The following FA2H variants were observed in gnomAD, a reference collection of about 807,000 sequenced individuals.
FA2H encodes the protein fatty acid 2-hydroxylase.
FA2H carries 22 observed loss-of-function variants against 44.9 expected under a neutral mutation model. That is an observed-to-expected ratio of 0.49 (90% confidence interval 0.35 to 0.70). The LOEUF (loss-of-function observed/expected upper bound fraction) is 0.70, where lower values mean the gene tolerates loss of function less well. FA2H is among the 30% of genes least tolerant of loss of function. The pLI is 0.01. For missense variants in FA2H, 501 were observed against 504.9 expected, an observed-to-expected ratio of 0.99 and a Z score of 0.07; for synonymous variants, 243 against 213.2, an observed-to-expected ratio of 1.14 and a Z score of -1.22.
intron 1 of FA2H, among the ~76,000 whole-genome samples, chr16:74,746,615 C>T (rs561526879): frequency 1.2e-4 from 19 of 152,104 alleles, no homozygotes; most frequent in Admixed American, 5.2e-4. Context: ...TGATGTGGGC[C>T]GAACCAACAC....
chr16:74,760,934 A>C (rs1489643973), intron 1 of FA2H, among the ~76,000 whole-genome samples: 1 of 152,100 alleles, frequency 6.6e-6, no homozygotes, highest in African/African-American at 2.4e-5. Flanking sequence ...ACCCACTTTA[A>C]GAGTTCAAGT....
chr16:74,748,349 C>G (rs1049130369), intron 1 of FA2H, among the ~76,000 whole-genome samples: 10 of 152,230 alleles, frequency 6.6e-5, no homozygotes, highest in Non-Finnish European at 7.3e-5. Flanking sequence ...CCACAAGCAC[C>G]TTCACCGAGG....
intron 6 of FA2H, among the ~76,000 whole-genome samples, chr16:74,715,993 T>G (rs376701150): frequency 6.6e-6 from 1 of 152,064 alleles, no homozygotes. Context: ...TTTTTGTATT[T>G]CTAGTGGAGA....
At chr16:74,725,676 A>G (rs565761505) in intron 4 of FA2H, among the ~76,000 whole-genome samples, 1 of 152,290 alleles carries the variant, frequency 6.6e-6, no homozygotes, top group East Asian at 1.9e-4. Context: ...CGGTCCTGGG[A>G]GAACACGTGG....
intron 1 of FA2H, among the ~76,000 whole-genome samples, chr16:74,741,844 GTGTA>G (rs1962315854): frequency 7.1e-6 from 1 of 140,336 alleles, no homozygotes; most frequent in Non-Finnish European, 1.5e-5. Flanking sequence ...GTGTATGTGT[GTGTA>G]TGTGTGTATG....
intron 6 of FA2H, among the ~76,000 whole-genome samples, chr16:74,715,248 C>A (rs1392089230): frequency 1.3e-5 from 2 of 151,986 alleles, no homozygotes; most frequent in Non-Finnish European, 2.9e-5. Flanking sequence ...GTACAAAATA[C>A]ACCTTAGATT....
intron 4 of FA2H, among the ~76,000 whole-genome samples, chr16:74,724,508 T>C (rs914544085): frequency 6.6e-6 from 1 of 152,194 alleles, no homozygotes; most frequent in Non-Finnish European, 1.5e-5. Context: ...CCCTGACTCT[T>C]CTGTATTGAT....
chr16:74,762,943 T>C (rs1021057771), intron 1 of FA2H, among the ~76,000 whole-genome samples: 1 of 152,212 alleles, frequency 6.6e-6, no homozygotes, highest in Non-Finnish European at 1.5e-5. Context: ...GCAGAAGTCA[T>C]TATGGTTGTT....
At chr16:74,771,952 CTT>C (rs58570521) in intron 1 of FA2H, among the ~76,000 whole-genome samples, 416 of 141,718 alleles carry the variant, frequency 2.9e-3, no homozygotes, top group African/African-American at 9.1e-3. Context: ...CCCTGGCTTC[CTT>C]TTTTTTTTTT....
At chr16:74,716,169 A>G (rs752891874) in intron 6 of FA2H, among the ~76,000 whole-genome samples, 178 bp downstream of exon 6, 4 of 152,018 alleles carry the variant, frequency 2.6e-5, no homozygotes, top group Admixed American at 6.6e-5. Context: ...TTTGCCATTT[A>G]TTGATGTCCT....
chr16:74,766,805 T>A (rs1962817513), intron 1 of FA2H, among the ~76,000 whole-genome samples: 2 of 152,056 alleles, frequency 1.3e-5, no homozygotes, highest in Admixed American at 1.3e-4. Flanking sequence ...ACCCCAGACA[T>A]AATACTGAGT....
intron 1 of FA2H, among the ~76,000 whole-genome samples, chr16:74,764,905 G>A (rs1207448599): frequency 1.3e-5 from 2 of 152,044 alleles, no homozygotes; most frequent in Non-Finnish European, 2.9e-5. Flanking sequence ...ATGAGGACTG[G>A]GGGGGTCTTA....
intron 1 of FA2H, among the ~76,000 whole-genome samples, chr16:74,744,795 A>G (rs1270980565): frequency 6.6e-6 from 1 of 152,162 alleles, no homozygotes; most frequent in African/African-American, 2.4e-5. Flanking sequence ...TATGTTGCCC[A>G]GGCTGGTCTC....
chr16:74,725,451 C>T (rs1285073187), intron 4 of FA2H, among the ~76,000 whole-genome samples: 3 of 152,214 alleles, frequency 2.0e-5, no homozygotes, highest in African/African-American at 4.8e-5. Flanking sequence ...TCATCCTAAA[C>T]CCCAGTCTCA....
rs902996821 is a variant in FA2H at position 74,714,073 on chromosome 16, C to T, written c.*117G>A. 2.1e-5 allele frequency: 15 copies of T among 697,836 alleles called. No homozygotes were observed. The highest frequency in any genetic ancestry group is 5.2e-5 in the African/African-American group (3 of 57,260). The allele number at this position is 697,836 out of a possible 1,614,324, so 43.2% of individuals were successfully genotyped here. ...AGCACCTTCCACTAGGCTGCAGGGC[C>T]GGACACAGCCCATCCTGCCTGGCCA... On this transcript the variant is annotated 3_prime_UTR_variant, in exon 7 of 7. Transcript: ENST00000219368.
intron 1 of FA2H, among the ~76,000 whole-genome samples, chr16:74,741,960 A>G (rs1180182848): frequency 1.3e-5 from 2 of 151,348 alleles, no homozygotes; most frequent in Non-Finnish European, 1.5e-5. Flanking sequence ...AATATCCAAT[A>G]TAAATGTCCT....
intron 4 of FA2H, among the ~76,000 whole-genome samples, chr16:74,725,458 C>G (rs1961931754): frequency 6.6e-6 from 1 of 152,212 alleles, no homozygotes; most frequent in East Asian, 1.9e-4. Context: ...AAACCCCAGT[C>G]TCATAGGCTC....
At position 74,713,658 on chromosome 16, in the gene FA2H, T is replaced by TG. The variant is rs1223623610; in HGVS notation, c.*531dup. On this transcript the variant is annotated 3_prime_UTR_variant, in exon 7 of 7. Transcript: ENST00000219368. ...CTGCCCCAGGGTCTGGGGTGGACTG[T>TG]GGGAGGCATCACGCTGTCTCTTCTT... The TG allele has an allele frequency of 6.4e-6, 1 of 155,614 alleles. No homozygotes were observed. Among genetic ancestry groups the TG allele is most frequent in the East Asian group, 1.9e-4 (1 of 5,362 alleles). The allele number at this position is 155,614 out of a possible 1,614,324, so 9.6% of individuals were successfully genotyped here. A position where few individuals can be genotyped will look rare whatever the true frequency, so the allele number is the denominator to read the frequency against.
intron 1 of FA2H, among the ~76,000 whole-genome samples, chr16:74,759,716 G>A (rs1294580816): frequency 1.3e-5 from 2 of 152,236 alleles, no homozygotes; most frequent in Non-Finnish European, 1.5e-5. Context: ...GCTGGAAGGC[G>A]AGGTGCTGGC....
Sources: gnomAD v4.1 joint callset for allele counts (sites outside exome capture counted in the v4.1 genomes callset) on GRCh38, gnomAD v4.1.1 for gene constraint, MANE v1.5 for transcripts, NCBI Gene and HGNC (gene_info 2026-07-23, HGNC 2026-07-21) for gene names.